CYFIP2: variants seen among roughly 807,000 people sequenced by gnomAD.
CYFIP2 encodes cytoplasmic FMR1-interacting protein 2.
In CYFIP2, 29 loss-of-function variants were observed where a neutral mutation model predicts 158.7. The observed-to-expected ratio is 0.18, with a 90% CI of 0.14 to 0.25. CYFIP2 has a LOEUF of 0.25. Ranked by LOEUF, CYFIP2 falls within the 10% of genes least tolerant of loss-of-function variation. The pLI is 1.00. For missense variants in CYFIP2, 852 were observed against 1,639.5 expected, an observed-to-expected ratio of 0.52 and a Z score of 8.29; for synonymous variants, 585 against 617.6, an observed-to-expected ratio of 0.95 and a Z score of 0.78.
rs753130386 is a variant in CYFIP2, at chr5:157,389,244, G to T, written c.3263G>T (p.Gly1088Val). Residue 1088 changes from glycine to valine, a missense_variant, in exon 29 of 31, where the codon GGC becomes GTC. Coordinates refer to ENST00000620254, the MANE Select transcript of CYFIP2 (RefSeq NM_001037333.3). ...DLLTKERLCC[G>V]LSMFEVILTR... ...CTGACCAAGGAGCGGCTGTGCTGTG[G>T]CCTGTCCATGTTCGAGGTCATCCTG... 1 of 1,614,066 alleles carries T rather than the reference G, an allele frequency of 6.2e-7. No homozygotes were observed. Among genetic ancestry groups the T allele is most frequent in the Non-Finnish European group, 8.5e-7 (1 of 1,179,898 alleles).
chr5:157,276,151 A>G lies in CYFIP2; in HGVS notation c.-23-9188A>G, dbSNP rs150974630. ...GATGTCTTTTATTTAATTTTCTTGC[A>G]TAATTACCTTGGCTAGAACTGCCAG... On this transcript the variant is annotated intron_variant, in intron 1 of 30. Transcript: ENST00000620254. Among the ~76,000 whole-genome samples, 1,092 of 152,330 alleles carry G rather than the reference A, an allele frequency of 7.2e-3. 18 individuals are homozygous for G. Among genetic ancestry groups the G allele is most frequent in the African/African-American group, 0.025 (1,041 of 41,574 alleles).
At chr5:157,317,163 C>A (rs1760215704) in intron 13 of CYFIP2, among the ~76,000 whole-genome samples, 1 of 152,142 alleles carries the variant, frequency 6.6e-6, no homozygotes, top group Non-Finnish European at 1.5e-5. Context: ...CTTCCCACAA[C>A]CTTATATCGT....
intron 22 of CYFIP2, among the ~76,000 whole-genome samples, chr5:157,339,680 G>T (rs750409804): frequency 4.6e-5 from 7 of 152,230 alleles, no homozygotes; most frequent in Non-Finnish European, 1.0e-4. Context: ...CATGACAGTG[G>T]TAACAGTACC....
At chr5:157,375,178 C>T (rs1381599356) in intron 26 of CYFIP2, among the ~76,000 whole-genome samples, 1 of 152,188 alleles carries the variant, frequency 6.6e-6, no homozygotes, top group African/African-American at 2.4e-5. Flanking sequence ...AGATGATTGC[C>T]TGGTAGGCCC....
intron 3 of CYFIP2, among the ~76,000 whole-genome samples, chr5:157,290,932 T>C (rs969018701): frequency 3.3e-5 from 5 of 151,558 alleles, no homozygotes; most frequent in Non-Finnish European, 5.9e-5. Context: ...TATGGAAGAG[T>C]TGAGGGTTCT....
At chr5:157,300,952 G>T (rs1758694784) in intron 6 of CYFIP2, 56 bp downstream of exon 6, 1 of 1,436,518 alleles carries the variant, frequency 7.0e-7, no homozygotes, top group African/African-American at 1.4e-5. Context: ...CTCCAGGGCT[G>T]CCTGTCAAGT....
chr5:157,343,359 A>T lies in CYFIP2; in HGVS notation c.2673+2202A>T, dbSNP rs1460756001. The T allele has an allele frequency of 5.6e-6, 9 of 1,614,080 alleles. No individual in the cohort carries two copies. The highest frequency in any genetic ancestry group is 7.6e-6 in the Non-Finnish European group (9 of 1,180,048). ...GGGGCAAGATGTTCCAGCACCACGG[A>T]GCTGATCGTTCGAGGCACCTTCTCC... On this transcript the variant is annotated intron_variant, in intron 23 of 30. Coordinates refer to ENST00000620254, the MANE Select transcript of CYFIP2 (RefSeq NM_001037333.3).
At chr5:157,346,944 C>T (rs1265134155) in intron 23 of CYFIP2, among the ~76,000 whole-genome samples, 1 of 152,228 alleles carries the variant, frequency 6.6e-6, no homozygotes, top group African/African-American at 2.4e-5. Context: ...GGTTCCATCC[C>T]TTCCTGTTCC....
chr5:157,339,608 A>G (rs955833089), intron 22 of CYFIP2, among the ~76,000 whole-genome samples: 3 of 152,220 alleles, frequency 2.0e-5, no homozygotes, highest in African/African-American at 7.2e-5. Flanking sequence ...TGGGTGATCA[A>G]TCACATGACA....
At chr5:157,304,690 T>G (rs935000654) in intron 8 of CYFIP2, 2 of 200,950 alleles carry the variant, frequency 1.0e-5, no homozygotes, top group Non-Finnish European at 1.0e-5. Context: ...GTAGCAGTTT[T>G]TGTGCACATC....
Position 157,323,314 on chromosome 5 carries a change from A to G in CYFIP2, c.1672-607A>G, listed in dbSNP as rs373880034. On this transcript the variant is annotated intron_variant, in intron 15 of 30. Coordinates refer to ENST00000620254, the MANE Select transcript of CYFIP2 (RefSeq NM_001037333.3). ...CAGCTGATGCCACCAAGGGGGCGCCATCGCTCAGCCATGGGGTCAAAACGC... is the reference window on the plus strand; with the variant it reads ...CAGCTGATGCCACCAAGGGGGCGCCGTCGCTCAGCCATGGGGTCAAAACGC... Among the ~76,000 whole-genome samples, 11 of 152,324 alleles carry G rather than the reference A, an allele frequency of 7.2e-5. 1 individual carries two copies. Among genetic ancestry groups the G allele is most frequent in the Admixed American group, 6.5e-4 (10 of 15,302 alleles).
chr5:157,294,866 A>T lies in CYFIP2; in HGVS notation c.285+6A>T, dbSNP rs1758125009. 6.2e-7 allele frequency: 1 copy of T among 1,611,986 alleles called. No individual in the cohort carries two copies. Among genetic ancestry groups the T allele is most frequent in the Non-Finnish European group, 8.5e-7 (1 of 1,178,564 alleles). ...GTTCCCGGGCCATTCCCCAGGTGAG[A>T]CTGTCCTTGTTGTGTGTCTCTTTCC... On this transcript the variant is annotated splice_donor_region_variant and intron_variant, in intron 4 of 30. Transcript: ENST00000620254.
chr5:157,359,013 C>T lies in CYFIP2; in HGVS notation c.2682C>T (p.Asn894=). The T allele has an allele frequency of 6.2e-7, 1 of 1,614,050 alleles. No individual in the cohort carries two copies. Among genetic ancestry groups the T allele is most frequent in the South Asian group, 1.1e-5 (1 of 91,088 alleles). ...CTACCTCTGTTTTCCAGCCTCTCAA[C>T]ATTGCCTACAGCCACATCTACAGCT... ...PYYLYGSKPL[N]IAYSHIYSSY... Residue 894 remains asparagine (N), a synonymous_variant, in exon 24 of 31, where the codon AAC becomes AAT. Coordinates refer to ENST00000620254, the MANE Select transcript of CYFIP2 (RefSeq NM_001037333.3).
chr5:157,362,113 A>ATAGG (rs1328821330), intron 26 of CYFIP2, among the ~76,000 whole-genome samples: 5 of 152,240 alleles, frequency 3.3e-5, no homozygotes, highest in Admixed American at 2.0e-4. Context: ...GCTTATAGTC[A>ATAGG]TAGGTAGATT....
rs771368440 is a variant in CYFIP2, at chr5:157,311,744, G to A, written c.1073G>A (p.Arg358His). The stretch of plus-strand genomic sequence containing the variant: ...GTTCAGATCCGGGATGACCACATCC[G>A]CTTCATCTCCGAGCTCGCTCGCTAC... ...QMVQIRDDHI[R>H]FISELARYSN... is the part of the protein sequence containing the mutation. The change falls in exon 11 of 31, where the codon CGC becomes CAC. Residue 358 changes from arginine (R) to histidine (H), a missense_variant. By Grantham distance (29) the Arg-to-His change is conservative. Around this residue, in one of 8 missense-constraint regions of CYFIP2, gnomAD observed 133 missense variants for 197.1 expected, o/e 0.67. Transcript: ENST00000620254. The surrounding 1 kb of genome is among the most constrained non-coding windows in gnomAD (Gnocchi z 4.7). 3 of 1,606,116 alleles carry A rather than the reference G, an allele frequency of 1.9e-6. No individual in the cohort carries two copies. The highest frequency in any genetic ancestry group is 1.7e-6 in the Non-Finnish European group (2 of 1,176,460).
chr5:157,287,169 G>A (rs1309583021), intron 3 of CYFIP2, 61 bp downstream of exon 3: 2 of 1,398,308 alleles, frequency 1.4e-6, no homozygotes, highest in Non-Finnish European at 2.0e-6. Context: ...GGGGCCGCGG[G>A]CAGCTTCTCA....
rs918515811 is a variant in CYFIP2 at position 157,367,292 on chromosome 5, A to G, written c.3039+5694A>G. On this transcript the variant is annotated intron_variant, in intron 26 of 30. Transcript: ENST00000620254. ...GGATGTTGAACAGCATTTCTGGACT[A>G]TATTCCAGTAGTACCCTTCATTGTG... 6.6e-5 allele frequency among the ~76,000 whole-genome samples: 10 copies of G among 152,344 alleles called. 3 individuals carry two copies. Among genetic ancestry groups the G allele is most frequent in the Admixed American group, 5.9e-4 (9 of 15,312 alleles).
chr5:157,322,072 T>C (rs556630438), intron 15 of CYFIP2, among the ~76,000 whole-genome samples: 3 of 151,616 alleles, frequency 2.0e-5, no homozygotes, highest in Admixed American at 6.6e-5. Context: ...GAGGGGTGGG[T>C]CACCAGCAGT....
chr5:157,342,703 G>C (rs936858192), intron 23 of CYFIP2: 3 of 693,054 alleles, frequency 4.3e-6, no homozygotes, highest in Admixed American at 3.1e-5. Flanking sequence ...TTTCCAGCTT[G>C]AGAAGCTTTG....
Sources: allele counts gnomAD v4.1 joint callset (sites outside exome capture counted in the v4.1 genomes callset), GRCh38; gene constraint gnomAD v4.1.1; regional missense constraint gnomAD v4.1.1; non-coding constraint Gnocchi (gnomAD v3.1); transcripts MANE v1.5; gene names NCBI Gene and HGNC (gene_info 2026-07-23, HGNC 2026-07-21).